Variants in FMOD observed in about 807,000 individuals in gnomAD.
The protein encoded by FMOD is fibromodulin, also known as KSPG fibromodulin.
In FMOD, 15 loss-of-function variants were observed where a neutral mutation model predicts 27.0. The observed-to-expected ratio is 0.55, with a 90% CI of 0.37 to 0.85. The LOEUF (loss-of-function observed/expected upper bound fraction) is 0.85. Among genes scored for constraint, FMOD ranks in the 40% least tolerant of loss-of-function variants. The pLI, the probability that FMOD is intolerant of heterozygous loss-of-function variation, is 0.00. For synonymous variants in FMOD, 210 were observed against 214.0 expected (o/e 0.98, Z 0.16); for missense variants, 460 against 483.2 (o/e 0.95, Z 0.45).
chr1:203,341,043 G>A lies in FMOD; in HGVS notation c.*1300C>T, dbSNP rs1487239718. The A allele has an allele frequency of 6.6e-6, 1 of 152,292 alleles. No homozygotes were observed. The highest frequency in any genetic ancestry group is 1.5e-5 in the Non-Finnish European group (1 of 68,070). The allele number at this position is 152,292 out of a possible 1,614,324, so 9.4% of individuals were successfully genotyped here. ...CCCAGGCAACATTACCTTTTGAAAT[G>A]GGAAGAATTAAGTGCTCCCCAGCCA... On this transcript the variant is annotated 3_prime_UTR_variant, in exon 3 of 3. Coordinates refer to ENST00000354955, the MANE Select transcript of FMOD (RefSeq NM_002023.5).
rs1304074991 is a variant in FMOD at position 203,340,861 on chromosome 1, C to T, written c.*1482G>A. ...ACGTAGTCCAAAGATCCCCTCTTCC[C>T]TTCTCAGGGAAGGTGCTTCAAAGCA... On this transcript the variant is annotated 3_prime_UTR_variant, in exon 3 of 3. Coordinates refer to ENST00000354955, the MANE Select transcript of FMOD (RefSeq NM_002023.5). 6.6e-6 allele frequency: 1 copy of T among 152,262 alleles called. No individual in the cohort carries two copies. The highest frequency in any genetic ancestry group is 1.9e-4 in the East Asian group (1 of 5,202). The allele number at this position is 152,262 out of a possible 1,614,324, so 9.4% of individuals were successfully genotyped here.
intron 1 of FMOD, among the ~76,000 whole-genome samples, chr1:203,349,560 G>A (rs562752187): frequency 6.6e-6 from 1 of 152,268 alleles, no homozygotes; most frequent in South Asian, 2.1e-4. Context: ...GTGAGCAGTG[G>A]GCATCTTCCT....
chr1:203,346,427 T>G (rs375009839), intron 2 of FMOD, among the ~76,000 whole-genome samples: 25 of 151,224 alleles, frequency 1.7e-4, no homozygotes, highest in African/African-American at 5.6e-4. Flanking sequence ...ATCCTAAGAC[T>G]AAAGGGAGCT....
At position 203,340,752 on chromosome 1, in the gene FMOD, G is replaced by A. The variant is rs7208; in HGVS notation, c.*1591C>T. The A allele has an allele frequency of 0.17, 25,849 of 152,316 alleles. 2,949 individuals carry two copies. Among genetic ancestry groups the A allele is most frequent in the East Asian group, 0.44 (2,302 of 5,180 alleles). The allele number at this position is 152,316 out of a possible 1,614,324, so 9.4% of individuals were successfully genotyped here. A position where few individuals can be genotyped will look rare whatever the true frequency, so the allele number is the denominator to read the frequency against. On this transcript the variant is annotated 3_prime_UTR_variant, in exon 3 of 3. Coordinates refer to ENST00000354955, the MANE Select transcript of FMOD (RefSeq NM_002023.5). Reference sequence around the variant, plus strand: ...TGCTTTCTGAAGAGCCCTGGGGCAGGGGGCAGCCTTGCCCCTCACATCGGA... The same window carrying A: ...TGCTTTCTGAAGAGCCCTGGGGCAGAGGGCAGCCTTGCCCCTCACATCGGA...
At chr1:203,344,835 C>A (rs1174655330) in intron 2 of FMOD, among the ~76,000 whole-genome samples, 1 of 152,150 alleles carries the variant, frequency 6.6e-6, no homozygotes, top group African/African-American at 2.4e-5. Flanking sequence ...GAGAGATATT[C>A]CTCACCATTC....
In FMOD at chr1:203,347,815, G is replaced by A. The variant is rs765506639; in HGVS notation, c.456C>T (p.Ser152=). 5 of 1,613,978 alleles carry A rather than the reference G, an allele frequency of 3.1e-6. No individual in the cohort carries two copies. The East Asian group carries it at 1.1e-4, about 36-fold the overall frequency. Residue 152 remains serine, a synonymous_variant, in exon 2 of 3, where the codon TCC becomes TCT. Coordinates refer to ENST00000354955, the MANE Select transcript of FMOD (RefSeq NM_002023.5). ...TSDKVGRKVF[S]KLRHLERLYL... ...ACAGCCTCTCCAGGTGCCTCAGCTT[G>A]GAGAAGACCTTCCTGCCCACCTTAT...
chr1:203,344,224 A>G (rs550562191), intron 2 of FMOD, among the ~76,000 whole-genome samples: 37 of 152,132 alleles, frequency 2.4e-4, no homozygotes, highest in Admixed American at 3.9e-4. Context: ...TTCCAGCCCT[A>G]CTTAGGATGG....
chr1:203,343,941 C>T (rs1313913136), intron 2 of FMOD, among the ~76,000 whole-genome samples: 3 of 152,196 alleles, frequency 2.0e-5, no homozygotes, highest in Admixed American at 2.0e-4. Flanking sequence ...GTATTGCAGG[C>T]ATAACACAGA....
chr1:203,348,636 C>A (rs1468115481), intron 1 of FMOD, among the ~76,000 whole-genome samples: 2 of 152,142 alleles, frequency 1.3e-5, no homozygotes, highest in Non-Finnish European at 1.5e-5. Context: ...CCACAGCAAT[C>A]CCTGTGTTTG....
intron 1 of FMOD, among the ~76,000 whole-genome samples, 170 bp from the exon 2 acceptor site, chr1:203,348,447 G>T (rs530509017): frequency 6.6e-6 from 1 of 152,322 alleles, no homozygotes; most frequent in African/African-American, 2.4e-5. Flanking sequence ...CTCCCAGTCT[G>T]GTTCTGCACT....
chr1:203,342,296 C>A lies in FMOD; in HGVS notation c.*47G>T. 2 of 1,579,228 alleles carry A rather than the reference C, an allele frequency of 1.3e-6. No individual in the cohort carries two copies. Among genetic ancestry groups the A allele is most frequent in the South Asian group, 1.1e-5 (1 of 87,716 alleles). On this transcript the variant is annotated 3_prime_UTR_variant, in exon 3 of 3. Coordinates refer to ENST00000354955, the MANE Select transcript of FMOD (RefSeq NM_002023.5). ...GCAAAAGCCAAACCAAACCATCAAGCCAAATGCCACGGGGGCTCTCCGCCC... is the reference window on the plus strand; with the variant it reads ...GCAAAAGCCAAACCAAACCATCAAGACAAATGCCACGGGGGCTCTCCGCCC...
chr1:203,347,720 TC>T lies in FMOD; in HGVS notation c.550del (p.Asp184ThrfsTer36). 6.2e-7 allele frequency: 1 copy of T among 1,613,904 alleles called. No individual in the cohort carries two copies. Among genetic ancestry groups the T allele is most frequent in the South Asian group, 1.1e-5 (1 of 91,074 alleles). ...GGGGACCCGTGAGATCTGGTTGTGGTCGAGATGGAGCTCTCTCAGGGATCGA... is the reference window on the plus strand; with the variant it reads ...GGGGACCCGTGAGATCTGGTTGTGGTGAGATGGAGCTCTCTCAGGGATCGA... ...LPRSLRELHLDHNQISRVPNN... is the reference protein window; with the variant it reads ...LPRSLRELHLXHNQISRVPNN... On this transcript the variant is annotated frameshift_variant, in exon 2 of 3. Transcript: ENST00000354955. LOFTEE classifies it high-confidence loss of function.
chr1:203,350,990 G>C (rs79536246), intron 1 of FMOD, 43 bp downstream of exon 1: 10 of 152,174 alleles, frequency 6.6e-5, no homozygotes, highest in African/African-American at 2.2e-4. Context: ...TTTCTTTTAA[G>C]GAACTGCTAG....
At chr1:203,348,406 AGG>A in intron 1 of FMOD, 129 bp from the exon 2 acceptor site, 1 of 961,544 alleles carries the variant, frequency 1.0e-6, no homozygotes, top group Non-Finnish European at 1.5e-6. Flanking sequence ...ATCTGAGAGC[AGG>A]AGCCTTGCTC....
chr1:203,348,726 A>G (rs766984366), intron 1 of FMOD, among the ~76,000 whole-genome samples: 18 of 152,134 alleles, frequency 1.2e-4, no homozygotes, highest in Admixed American at 3.3e-4. Flanking sequence ...GGGAAATAGT[A>G]TTTTTCTAAG....
intron 2 of FMOD, among the ~76,000 whole-genome samples, chr1:203,346,143 C>T (rs2102303303): frequency 6.6e-6 from 1 of 152,216 alleles, no homozygotes; most frequent in African/African-American, 2.4e-5. Context: ...TAACATCTTG[C>T]TCAATGACTG....
rs200315118 is a variant in FMOD at position 203,348,134 on chromosome 1, G to T, written c.137C>A (p.Pro46Gln). 6.2e-7 allele frequency: 1 copy of T among 1,614,162 alleles called. No homozygotes were observed. Among genetic ancestry groups the T allele is most frequent in the Non-Finnish European group, 8.5e-7 (1 of 1,180,028 alleles). ...GGGGTAAGGCTCGTAGGTCTCATAC[G>T]GGTAAGGGTCATAGGGATCGTAGTA... ...STYYDPYDPY[P>Q]YETYEPYPYG... Residue 46 changes from proline (P) to glutamine (Q), a missense_variant, in exon 2 of 3, where the codon CCG becomes CAG. Coordinates refer to ENST00000354955, the MANE Select transcript of FMOD (RefSeq NM_002023.5).
In FMOD at chr1:203,348,100, C is replaced by T; in HGVS notation, c.171G>A (p.Val57=). The T allele has an allele frequency of 1.2e-6, 2 of 1,614,090 alleles. No individual in the cohort carries two copies. The highest frequency in any genetic ancestry group is 1.7e-6 in the Non-Finnish European group (2 of 1,179,964). The change falls in exon 2 of 3, where the codon GTG becomes GTA. Residue 57 remains valine, a synonymous_variant. Transcript: ENST00000354955. ...YETYEPYPYG[V]DEGPAYTYGS... is the part of the protein sequence containing the mutation. ...CGTAGGTGTAGGCTGGCCCTTCATC[C>T]ACCCCATAGGGGTAAGGCTCGTAGG...
intron 2 of FMOD, among the ~76,000 whole-genome samples, chr1:203,344,624 G>A (rs948648399): frequency 1.3e-5 from 2 of 152,160 alleles, no homozygotes; most frequent in African/African-American, 2.4e-5. Context: ...GTGGCGAGGA[G>A]AGGACCACAT....
Sources: gnomAD v4.1 joint callset for allele counts (sites outside exome capture counted in the v4.1 genomes callset) on GRCh38, gnomAD v4.1.1 for gene constraint, MANE v1.5 for transcripts, NCBI Gene and HGNC (gene_info 2026-07-23, HGNC 2026-07-21) for gene names.